The following MYO5B variants were observed in gnomAD, a reference collection of about 807,000 sequenced individuals.
MYO5B encodes the protein unconventional myosin-Vb.
Under a neutral mutation model 229.3 loss-of-function variants are expected in MYO5B, and 143 were observed. That is an observed-to-expected ratio of 0.62 (90% CI 0.54 to 0.72). The LOEUF is 0.72. Among genes scored for constraint, MYO5B ranks in the 30% least tolerant of loss-of-function variants. The pLI is 0.00. For missense variants in MYO5B, 2,321 were observed against 2,331.0 expected, an observed-to-expected ratio of 1.00 and a Z score of 0.09; for synonymous variants, 918 against 885.2, an observed-to-expected ratio of 1.04 and a Z score of -0.66.
At chr18:50,114,469 C>G (rs565179181) in intron 1 of MYO5B, among the ~76,000 whole-genome samples, 7 of 152,294 alleles carry the variant, frequency 4.6e-5, no homozygotes, top group African/African-American at 1.4e-4. Flanking sequence ...CTCAAAGAAC[C>G]CAGAGGTACA....
intron 26 of MYO5B, among the ~76,000 whole-genome samples, chr18:49,875,355 T>G (rs768509423): frequency 6.6e-6 from 1 of 152,136 alleles, no homozygotes; most frequent in Non-Finnish European, 1.5e-5. Context: ...CTGTGTACAT[T>G]TGACTTCTGC....
intron 10 of MYO5B, among the ~76,000 whole-genome samples, chr18:49,968,151 T>A (rs1483842565): frequency 6.6e-6 from 1 of 152,032 alleles, no homozygotes; most frequent in Non-Finnish European, 1.5e-5. Context: ...CATGAGAGCC[T>A]CCCCAAGGAA....
Position 50,152,450 on chromosome 18 carries a change from T to G in MYO5B, c.27+42317A>C, listed in dbSNP as rs551776124. Among the ~76,000 whole-genome samples the G allele has an allele frequency of 2.6e-5, 4 of 152,350 alleles. No homozygotes were observed. The South Asian group carries it at 6.2e-4, about 24-fold the overall frequency. On this transcript the variant is annotated intron_variant, in intron 1 of 39. Transcript: ENST00000285039. Reference sequence around the variant, plus strand: ...AACTCTAGTAAATGTGCTACTGCTTTCAGCATGATTCCAAAGGACAACTTT... The same window carrying G: ...AACTCTAGTAAATGTGCTACTGCTTGCAGCATGATTCCAAAGGACAACTTT...
At chr18:49,991,662 CG>C (rs1389707466) in intron 6 of MYO5B, among the ~76,000 whole-genome samples, 1 of 151,982 alleles carries the variant, frequency 6.6e-6, no homozygotes, top group Non-Finnish European at 1.5e-5. Flanking sequence ...CATCAAACAC[CG>C]GGGCCTGTCA....
At chr18:50,091,805 T>C (rs2031454028) in intron 1 of MYO5B, among the ~76,000 whole-genome samples, 1 of 152,220 alleles carries the variant, frequency 6.6e-6, no homozygotes, top group Admixed American at 6.5e-5. Context: ...TATATAGGCT[T>C]GCACTGAAAA....
chr18:50,185,750 T>C (rs982016278), intron 1 of MYO5B, among the ~76,000 whole-genome samples: 6 of 152,214 alleles, frequency 3.9e-5, no homozygotes, highest in African/African-American at 1.4e-4. Context: ...TTACAGTATA[T>C]GGCATCAGAT....
intron 4 of MYO5B, among the ~76,000 whole-genome samples, chr18:50,006,203 C>T (rs1023728350): frequency 6.6e-6 from 1 of 152,082 alleles, no homozygotes; most frequent in African/African-American, 2.4e-5. Context: ...CAAACTGTGG[C>T]TATTTAGGGC....
chr18:49,826,779 G>A (rs907050418), intron 39 of MYO5B, among the ~76,000 whole-genome samples, 156 bp from the exon 40 acceptor site: 14 of 152,198 alleles, frequency 9.2e-5, no homozygotes, highest in African/African-American at 3.4e-4. Context: ...CCTCACCCTT[G>A]AGGTATTTAG....
In MYO5B at chr18:49,862,180, T is replaced by C. The variant is rs543416139; in HGVS notation, c.3944+1047A>G. Reference sequence around the variant, plus strand: ...GCCCGGCTAATTTTTGTATTTTTAGTAGAGACAGGGTTTCACCACATTGGC... The same window carrying C: ...GCCCGGCTAATTTTTGTATTTTTAGCAGAGACAGGGTTTCACCACATTGGC... On this transcript the variant is annotated intron_variant, in intron 29 of 39. Transcript: ENST00000285039. Among the ~76,000 whole-genome samples, 9 of 152,214 alleles carry C rather than the reference T, an allele frequency of 5.9e-5. No homozygotes were observed. The South Asian group carries it at 1.7e-3, about 28-fold the overall frequency.
At chr18:49,883,643 A>G (rs2024612301) in intron 22 of MYO5B, among the ~76,000 whole-genome samples, 1 of 150,610 alleles carries the variant, frequency 6.6e-6, no homozygotes, top group Non-Finnish European at 1.5e-5. Flanking sequence ...AAATTCATAT[A>G]TAATATCTAG....
intron 4 of MYO5B, among the ~76,000 whole-genome samples, chr18:50,008,298 C>T (rs1185153948): frequency 6.6e-6 from 1 of 152,164 alleles, no homozygotes; most frequent in South Asian, 2.1e-4. Context: ...GTTCCTCCCA[C>T]CCTAGTCTCC....
chr18:49,925,999 T>C (rs1167718365), intron 17 of MYO5B, among the ~76,000 whole-genome samples: 1 of 152,200 alleles, frequency 6.6e-6, no homozygotes, highest in African/African-American at 2.4e-5. Flanking sequence ...CCCACCTCAT[T>C]AACAGAGTTG....
chr18:49,956,545 T>C (rs11661800), intron 12 of MYO5B, among the ~76,000 whole-genome samples: 18,171 of 152,168 alleles, frequency 0.12, 1,204 homozygotes, highest in Non-Finnish European at 0.16. Flanking sequence ...AATCTTTCCA[T>C]AGAAATAGAT....
chr18:50,026,942 T>C (rs2026337054), intron 4 of MYO5B, among the ~76,000 whole-genome samples: 1 of 152,218 alleles, frequency 6.6e-6, no homozygotes. Flanking sequence ...TAAGCCAGTC[T>C]CGTTACTGTC....
chr18:49,962,579 C>A (rs964905265), intron 11 of MYO5B, among the ~76,000 whole-genome samples, 173 bp from the exon 12 acceptor site: 2 of 152,166 alleles, frequency 1.3e-5, no homozygotes, highest in Non-Finnish European at 2.9e-5. Context: ...TTAGGCGATT[C>A]CTCATGCCTG....
Position 49,936,343 on chromosome 18 carries a change from T to C in MYO5B, c.1912A>G (p.Thr638Ala). 6.3e-7 allele frequency: 1 copy of C among 1,593,430 alleles called. No individual in the cohort carries two copies. The highest frequency in any genetic ancestry group is 8.6e-7 in the Non-Finnish European group (1 of 1,168,482). The stretch of plus-strand genomic sequence containing the variant: ...GTCTCCATGAGCAGATGCAGGGAGG[T>C]ACGGAACTAGAGAGACAAAAGCCAG... ...HKKTVGHQFRTSLHLLMETLN... is the reference protein window; with the variant it reads ...HKKTVGHQFRASLHLLMETLN... Residue 638 changes from threonine to alanine, a missense_variant, in exon 16 of 40, where the codon ACC (threonine) becomes GCC (alanine). By Grantham distance (58) the Thr-to-Ala change is moderately conservative. Coordinates refer to ENST00000285039, the MANE Select transcript of MYO5B (RefSeq NM_001080467.3).
chr18:50,171,097 G>A lies in MYO5B; in HGVS notation c.27+23670C>T, dbSNP rs140850913. The stretch of plus-strand genomic sequence containing the variant: ...TCCCAGAATCTTGGGATACTTGGCC[G>A]CCAGTCTCATGCAGCCCTGTTCCTC... On this transcript the variant is annotated intron_variant, in intron 1 of 39. Coordinates refer to ENST00000285039, the MANE Select transcript of MYO5B (RefSeq NM_001080467.3). Among the ~76,000 whole-genome samples the A allele has an allele frequency of 8.5e-4, 109 of 127,580 alleles. 27 individuals are homozygous for A. The South Asian group carries it at 0.011, about 13-fold the overall frequency. The allele number at this position is 127,580 out of a possible 152,430, so 83.7% of individuals were successfully genotyped here. A position where few individuals can be genotyped will look rare whatever the true frequency, so the allele number is the denominator to read the frequency against.
intron 27 of MYO5B, among the ~76,000 whole-genome samples, chr18:49,870,967 C>A (rs542713797): frequency 1.4e-4 from 22 of 152,248 alleles, no homozygotes; most frequent in African/African-American, 5.3e-4. Flanking sequence ...GAACTGAAAG[C>A]AGGGTCTCAA....
At chr18:49,963,169 C>T (rs1011238755) in intron 10 of MYO5B, 139 bp from the exon 11 acceptor site, 1 of 744,690 alleles carries the variant, frequency 1.3e-6, no homozygotes, top group Admixed American at 1.9e-5. Context: ...TTCAGAGAGA[C>T]CACTGTTGCA....
Sources: gnomAD v4.1 joint callset for allele counts (sites outside exome capture counted in the v4.1 genomes callset) on GRCh38, gnomAD v4.1.1 for gene constraint, MANE v1.5 for transcripts, NCBI Gene and HGNC (gene_info 2026-07-23, HGNC 2026-07-21) for gene names.